The following PLD5 variants were observed in gnomAD, a reference collection of about 807,000 sequenced individuals.
The protein encoded by PLD5 is inactive phospholipase D5.
Under a neutral mutation model 61.1 loss-of-function variants are expected in PLD5, and 36 were observed. The ratio of observed to expected loss-of-function variants is 0.59; its 90% CI spans 0.45 to 0.78. The LOEUF is 0.78. Ranked by LOEUF, PLD5 falls within the 30% of genes least tolerant of loss-of-function variation. The pLI is 0.00. For missense variants in PLD5, 515 were observed against 644.4 expected (o/e 0.80, Z 2.17); for synonymous variants, 243 against 242.8 (o/e 1.00, Z -0.01).
chr1:242,274,126 C>A (rs1674271021), intron 3 of PLD5, among the ~76,000 whole-genome samples: 1 of 152,144 alleles, frequency 6.6e-6, no homozygotes. Context: ...AGAATACAGA[C>A]ATATAGAATT....
At chr1:242,207,896 T>TTTTATATATATTTATATATTTA (rs1558344433) in intron 5 of PLD5, among the ~76,000 whole-genome samples, 3 of 7,632 alleles carry the variant, frequency 3.9e-4, no homozygotes, top group African/African-American at 2.0e-3. Context: ...TTATATATAT[T>TTTTATATATATTTATATATTTA]TATATATTTA....
chr1:242,377,038 T>G, intron 1 of PLD5: 1 of 1,611,820 alleles, frequency 6.2e-7, no homozygotes, highest in South Asian at 1.1e-5. Context: ...TTGCACTTTC[T>G]GTCTGACACG....
At chr1:242,097,254 G>C (rs912690986) in intron 9 of PLD5, among the ~76,000 whole-genome samples, 3 of 152,082 alleles carry the variant, frequency 2.0e-5, no homozygotes, top group African/African-American at 4.8e-5. Flanking sequence ...TAATCCTTTG[G>C]GTATATACCC....
intron 5 of PLD5, among the ~76,000 whole-genome samples, chr1:242,141,272 C>T (rs1262991795): frequency 6.6e-6 from 1 of 152,132 alleles, no homozygotes; most frequent in Non-Finnish European, 1.5e-5. Context: ...TTCAAGGTCC[C>T]ATTGGACAGA....
In PLD5 at chr1:242,089,424, T is replaced by G. The variant is rs2148639533; in HGVS notation, c.*430A>C. On this transcript the variant is annotated 3_prime_UTR_variant, in exon 10 of 10. Coordinates refer to ENST00000536534, the MANE Select transcript of PLD5 (RefSeq NM_001372062.1). ...GGAGACGATTTACAAGAATAAACACTTGGTTTTATCAGTCTCTTCTCCAAG... is the reference window on the plus strand; with the variant it reads ...GGAGACGATTTACAAGAATAAACACGTGGTTTTATCAGTCTCTTCTCCAAG... The G allele has an allele frequency of 2.4e-6, 1 of 417,950 alleles. No homozygotes were observed. The highest frequency in any genetic ancestry group is 4.2e-6 in the Non-Finnish European group (1 of 237,198). The allele number at this position is 417,950 out of a possible 1,614,324, so 25.9% of individuals were successfully genotyped here.
At chr1:242,429,776 G>A (rs1466369294) in intron 1 of PLD5, among the ~76,000 whole-genome samples, 2 of 152,166 alleles carry the variant, frequency 1.3e-5, no homozygotes, top group Non-Finnish European at 2.9e-5. Flanking sequence ...AGTAAAAGGA[G>A]AAACCTGAAT....
chr1:242,104,580 T>C (rs1266067289), intron 8 of PLD5, among the ~76,000 whole-genome samples: 3 of 152,246 alleles, frequency 2.0e-5, no homozygotes, highest in Non-Finnish European at 4.4e-5. Flanking sequence ...CTTGCCCCAT[T>C]ACTCACTAGT....
In PLD5 at chr1:242,362,889, A is replaced by G. The variant is rs1198996480; in HGVS notation, c.190-14647T>C. ...TGGTAACCTGCAAATGTACATCACC[A>G]GCCCAGAGCATCCTGCTGAGGACCA... On this transcript the variant is annotated intron_variant, in intron 1 of 9. Transcript: ENST00000536534. 5.9e-5 allele frequency among the ~76,000 whole-genome samples: 9 copies of G among 152,176 alleles called. No homozygotes were observed. In the East Asian group the frequency reaches 1.7e-3, roughly 29 times the overall value.
intron 2 of PLD5, among the ~76,000 whole-genome samples, chr1:242,297,634 T>G (rs1213264446): frequency 5.3e-3 from 13 of 2,446 alleles, no homozygotes; most frequent in East Asian, 0.056. Flanking sequence ...TTTTTTTTTT[T>G]TTTTTTTTTT....
chr1:242,359,124 C>T (rs1660925251), intron 1 of PLD5, among the ~76,000 whole-genome samples: 2 of 152,258 alleles, frequency 1.3e-5, no homozygotes, highest in Admixed American at 1.3e-4. Context: ...ACTGAGCTTT[C>T]ATCAAGATCT....
chr1:242,194,598 CTATCTATGTATCTATCTATG>C (rs1161681068), intron 5 of PLD5, among the ~76,000 whole-genome samples: 6 of 77,990 alleles, frequency 7.7e-5, no homozygotes, highest in East Asian at 8.7e-4. Flanking sequence ...ATCTATCTAT[CTATCTATGTATCTATCTATG>C]TATCTATCTA....
At chr1:242,257,868 A>G (rs1424154661) in intron 4 of PLD5, among the ~76,000 whole-genome samples, 2 of 152,174 alleles carry the variant, frequency 1.3e-5, no homozygotes, top group Non-Finnish European at 2.9e-5. Context: ...CTCTTAGCAG[A>G]TAATGTCAGT....
chr1:242,209,498 C>T (rs1369451129), intron 5 of PLD5, among the ~76,000 whole-genome samples: 1 of 152,156 alleles, frequency 6.6e-6, no homozygotes, highest in Non-Finnish European at 1.5e-5. Flanking sequence ...TGGTAATTCT[C>T]ACAATATTTC....
chr1:242,328,393 TAC>T (rs1428292639), intron 2 of PLD5, among the ~76,000 whole-genome samples: 1 of 152,218 alleles, frequency 6.6e-6, no homozygotes. Flanking sequence ...ACACGTGTTC[TAC>T]ATAGTTGTGT....
chr1:242,354,699 T>C lies in PLD5; in HGVS notation c.190-6457A>G, dbSNP rs1660659784. Among the ~76,000 whole-genome samples, 3 of 152,206 alleles carry C rather than the reference T, an allele frequency of 2.0e-5. No individual in the cohort carries two copies. In the South Asian group the frequency reaches 6.2e-4, roughly 32 times the overall value. ...GAAGTGATGAGAATGGGCATCCTTGTCTTATACTGGATCTAGATGAAAGGG... is the reference window on the plus strand; with the variant it reads ...GAAGTGATGAGAATGGGCATCCTTGCCTTATACTGGATCTAGATGAAAGGG... On this transcript the variant is annotated intron_variant, in intron 1 of 9. Transcript: ENST00000536534.
intron 1 of PLD5, among the ~76,000 whole-genome samples, chr1:242,473,956 A>C (rs1031438033): frequency 1.4e-4 from 22 of 152,170 alleles, no homozygotes; most frequent in African/African-American, 5.3e-4. Flanking sequence ...AGTTTTGTGG[A>C]GTGCAATTGC....
chr1:242,490,375 A>C lies in PLD5; in HGVS notation c.189+33713T>G, dbSNP rs994840745. ...AAAAGTGTTCTAAAATAAACCAAAT[A>C]CCATTTTTTAATTGTATTGTAATTA... On this transcript the variant is annotated intron_variant, in intron 1 of 9. Coordinates refer to ENST00000536534, the MANE Select transcript of PLD5 (RefSeq NM_001372062.1). Among the ~76,000 whole-genome samples, 3 of 152,296 alleles carry C rather than the reference A, an allele frequency of 2.0e-5. No homozygotes were observed. The East Asian group carries it at 5.8e-4, about 29-fold the overall frequency.
chr1:242,150,837 A>G (rs1664874550), intron 5 of PLD5, among the ~76,000 whole-genome samples: 3 of 150,280 alleles, frequency 2.0e-5, no homozygotes, highest in Admixed American at 2.0e-4. Context: ...TATTTTGAGG[A>G]CTCTCTTCCA....
intron 2 of PLD5, among the ~76,000 whole-genome samples, chr1:242,333,367 TTC>T (rs1659306823): frequency 6.6e-6 from 1 of 152,164 alleles, no homozygotes; most frequent in African/African-American, 2.4e-5. Flanking sequence ...CATATTTTTT[TTC>T]TTTTTTTGAG....
Sources: gnomAD v4.1 joint callset for allele counts (sites outside exome capture counted in the v4.1 genomes callset) on GRCh38, gnomAD v4.1.1 for gene constraint, MANE v1.5 for transcripts, NCBI Gene and HGNC (gene_info 2026-07-23, HGNC 2026-07-21) for gene names.